MICU3: variants seen among roughly 807,000 people sequenced by gnomAD.
MICU3 encodes the protein calcium uptake protein 3, mitochondrial.
A neutral mutation model predicts 66.5 loss-of-function variants in MICU3; 62 were observed. That is an observed-to-expected ratio of 0.93 (90% confidence interval 0.76 to 1.15). MICU3 has a LOEUF of 1.15. Ranked by LOEUF, MICU3 falls within the 50% of genes most tolerant of loss-of-function variation. The probability of loss-of-function intolerance (pLI) is 0.00; values close to 1 mark genes in which losing one functional copy is unlikely to be tolerated. For synonymous variants in MICU3, 308 were observed against 240.7 expected, an observed-to-expected ratio of 1.28 and a Z score of -2.59; for missense variants, 779 against 664.4, an observed-to-expected ratio of 1.17 and a Z score of -1.90.
At chr8:17,034,488 T>C (rs1812639947) in intron 1 of MICU3, among the ~76,000 whole-genome samples, 1 of 152,252 alleles carries the variant, frequency 6.6e-6, no homozygotes. Context: ...GTGATTCCTC[T>C]GATGGATCTG....
chr8:17,066,545 T>TACA (rs1563321465), intron 2 of MICU3, among the ~76,000 whole-genome samples: 2 of 54,006 alleles, frequency 3.7e-5, no homozygotes, highest in Admixed American at 3.8e-4. Context: ...ATATATAGAT[T>TACA]TTTTTTTTTT....
At chr8:17,124,835 TC>T (rs746129488), downstream of MICU3, among the ~76,000 whole-genome samples, 1 of 152,044 alleles carries the variant, frequency 6.6e-6, no homozygotes, top group Non-Finnish European at 1.5e-5. Flanking sequence ...TCCAGTTTGT[TC>T]CCAAGAAATC....
At chr8:17,055,419 C>G (rs991534568) in intron 1 of MICU3, among the ~76,000 whole-genome samples, 1 of 152,182 alleles carries the variant, frequency 6.6e-6, no homozygotes, top group African/African-American at 2.4e-5. Flanking sequence ...GATGTTGTCA[C>G]CCAAAGTTGG....
Position 17,114,114 on chromosome 8 carries a change from A to G in MICU3, c.1279A>G (p.Arg427Gly). 1 of 1,610,598 alleles carries G rather than the reference A, an allele frequency of 6.2e-7. No homozygotes were observed. The highest frequency in any genetic ancestry group is 1.1e-5 in the South Asian group (1 of 90,454). Residue 427 changes from arginine (R) to glycine (G), a missense_variant, in exon 12 of 15, where the codon AGG (arginine) becomes GGG (glycine). Transcript: ENST00000318063. ...ATAGGGCATCACATTTGATGAATTC[A>G]GGTCATTTTTCCAGTTTTTAAACAA... ...EEKGITFDEF[R>G]SFFQFLNNLE...
the MICU3 span, among the ~76,000 whole-genome samples, chr8:17,137,802 C>T: frequency 6.7e-5 from 10 of 148,266 alleles, no homozygotes; most frequent in Non-Finnish European, 1.0e-4. Flanking sequence ...CTGCAACCTC[C>T]GATTCCCAGA....
chr8:17,131,858 A>C, the MICU3 span: 1 of 152,220 alleles, frequency 6.6e-6, no homozygotes. Context: ...ATCCATCTTC[A>C]TTTATTACAA....
chr8:17,064,269 T>C, intron 2 of MICU3, 32 bp downstream of exon 2: 1 of 1,556,674 alleles, frequency 6.4e-7, no homozygotes, highest in Non-Finnish European at 8.7e-7. Flanking sequence ...TCTTAATAAT[T>C]GTATAATTTT....
intron 1 of MICU3, among the ~76,000 whole-genome samples, chr8:17,046,432 C>A (rs900656139): frequency 3.3e-5 from 5 of 152,234 alleles, no homozygotes; most frequent in Middle Eastern, 3.4e-3. Context: ...CAAACAAATA[C>A]CTCCTTGATA....
chr8:17,036,633 G>A (rs981232032), intron 1 of MICU3, among the ~76,000 whole-genome samples: 14 of 152,164 alleles, frequency 9.2e-5, no homozygotes, highest in African/African-American at 3.1e-4. Flanking sequence ...ACAGATTGTC[G>A]ATTGGTGCAG....
intron 12 of MICU3, among the ~76,000 whole-genome samples, chr8:17,114,947 G>A (rs370461448): frequency 5.0e-4 from 76 of 151,856 alleles, no homozygotes; most frequent in African/African-American, 1.7e-3. Flanking sequence ...GTGAAACCCC[G>A]TCTCTACTAA....
At position 17,066,528 on chromosome 8, in the gene MICU3, T is replaced by TAG. The variant is rs1221791267; in HGVS notation, c.535+2292_535+2293insGA. Reference sequence around the variant, plus strand: ...TGATTGTTAATAATCTATATATATATATATATATATATAGATTTTTTTTTT... The same window carrying TAG: ...TGATTGTTAATAATCTATATATATATAGATATATATATATAGATTTTTTTTTT... On this transcript the variant is annotated intron_variant, in intron 2 of 14. Transcript: ENST00000318063. Among the ~76,000 whole-genome samples the TAG allele has an allele frequency of 6.9e-4, 88 of 127,652 alleles. 2 individuals are homozygous for TAG. Among genetic ancestry groups the TAG allele is most frequent in the Non-Finnish European group, 1.2e-3 (70 of 60,598 alleles). The allele number at this position is 127,652 out of a possible 152,430, so 83.7% of individuals were successfully genotyped here.
chr8:17,118,094 A>G (rs1364066729), intron 13 of MICU3, among the ~76,000 whole-genome samples: 1 of 152,218 alleles, frequency 6.6e-6, no homozygotes, highest in Non-Finnish European at 1.5e-5. Flanking sequence ...TACTTGAAAC[A>G]AGTTACATTG....
At chr8:17,031,204 C>T (rs1011156670) in intron 1 of MICU3, among the ~76,000 whole-genome samples, 3 of 151,736 alleles carry the variant, frequency 2.0e-5, no homozygotes, top group Non-Finnish European at 2.9e-5. Flanking sequence ...GGGGACAGAG[C>T]ATGACTTGGC....
At chr8:17,063,192 C>A (rs1035137828) in intron 1 of MICU3, among the ~76,000 whole-genome samples, 5 of 152,078 alleles carry the variant, frequency 3.3e-5, no homozygotes, top group African/African-American at 4.8e-5. Flanking sequence ...ACAATTCTAT[C>A]TATAAATTTT....
intron 13 of MICU3, 83 bp downstream of exon 13, chr8:17,116,683 T>C (rs969402149): frequency 2.0e-6 from 2 of 1,009,654 alleles, no homozygotes; most frequent in African/African-American, 1.7e-5. Context: ...AAATAATTTA[T>C]CTTAATTTCT....
chr8:17,091,553 A>G (rs1237632849), intron 8 of MICU3, among the ~76,000 whole-genome samples: 1 of 152,144 alleles, frequency 6.6e-6, no homozygotes, highest in African/African-American at 2.4e-5. Flanking sequence ...TTACAGATTT[A>G]AACAGCTACT....
At chr8:17,074,043 T>C (rs1013674798) in intron 3 of MICU3, among the ~76,000 whole-genome samples, 1 of 151,662 alleles carries the variant, frequency 6.6e-6, no homozygotes, top group African/African-American at 2.4e-5. Context: ...TGGAGTTTTC[T>C]TTTTCTTTTT....
chr8:17,043,080 C>T (rs970323186), intron 1 of MICU3, among the ~76,000 whole-genome samples: 5 of 151,380 alleles, frequency 3.3e-5, no homozygotes, highest in African/African-American at 1.2e-4. Flanking sequence ...GCTGGGACTA[C>T]AGGCGCCCAC....
At chr8:17,085,522 G>T (rs1799377937) in intron 6 of MICU3, among the ~76,000 whole-genome samples, 1 of 152,054 alleles carries the variant, frequency 6.6e-6, no homozygotes, top group Non-Finnish European at 1.5e-5. Flanking sequence ...GTATGATGAT[G>T]ATTATCGTTG....
Sources: gnomAD v4.1 joint callset for allele counts (sites outside exome capture counted in the v4.1 genomes callset) on GRCh38, gnomAD v4.1.1 for gene constraint, MANE v1.5 for transcripts, NCBI Gene and HGNC (gene_info 2026-07-23, HGNC 2026-07-21) for gene names.